RASL11A: variants seen among roughly 807,000 people sequenced by gnomAD.
RASL11A encodes the protein ras-like protein family member 11A.
RASL11A carries 14 observed loss-of-function variants against 17.1 expected under a neutral mutation model. That is an observed-to-expected ratio of 0.82 (90% CI 0.54 to 1.28). The LOEUF is 1.28. Among genes scored for constraint, RASL11A ranks in the 50% most tolerant of loss-of-function variants. RASL11A has a pLI of 0.00. For missense variants in RASL11A, 283 were observed against 312.3 expected (o/e 0.91, Z 0.71); for synonymous variants, 146 against 132.5 (o/e 1.10, Z -0.70).
intron 3 of RASL11A, 113 bp downstream of exon 3, chr13:27,271,831 G>C: frequency 2.5e-6 from 2 of 802,216 alleles, no homozygotes; most frequent in Non-Finnish European, 4.1e-6. Flanking sequence ...CATCTAAACC[G>C]ACCTGTGCGT....
chr13:27,273,575 A>G lies in RASL11A; in HGVS notation c.*81A>G, dbSNP rs1882373980. The G allele has an allele frequency of 2.9e-6, 3 of 1,025,172 alleles. No homozygotes were observed. Among genetic ancestry groups the G allele is most frequent in the Admixed American group, 5.5e-5 (2 of 36,302 alleles). 63.5% of individuals were successfully genotyped at this position (1,025,172 alleles called of 1,614,324 possible). The stretch of plus-strand genomic sequence containing the variant: ...TGGGCTTCTCGCTTTTTAATCACAC[A>G]TTCAGAGTTTATTTTTATAAAAAAA... On this transcript the variant is annotated 3_prime_UTR_variant, in exon 4 of 4. Transcript: ENST00000241463.
intron 3 of RASL11A, among the ~76,000 whole-genome samples, 189 bp downstream of exon 3, chr13:27,271,907 G>A (rs568983668): frequency 6.6e-6 from 1 of 152,298 alleles, no homozygotes; most frequent in African/African-American, 2.4e-5. Context: ...CTCTCTAAGG[G>A]GGAGGCATGG....
rs371620480 is a variant in RASL11A at position 27,270,933 on chromosome 13, G to C, written c.-12G>C. 6 of 1,583,682 alleles carry C rather than the reference G, an allele frequency of 3.8e-6. No individual in the cohort carries two copies. The South Asian group carries it at 6.9e-5, about 18-fold the overall frequency. ...CCTCTCGGATTGCGCGCCGGACCCC[G>C]GGACGCGCTCCATGCGGCCGCTCAG... On this transcript the variant is annotated 5_prime_UTR_variant, in exon 1 of 4. Coordinates refer to ENST00000241463, the MANE Select transcript of RASL11A (RefSeq NM_206827.2).
In RASL11A at chr13:27,275,060, C is replaced by T. The variant is rs1338724586; in HGVS notation, c.*1566C>T. Among the ~76,000 whole-genome samples, 2 of 152,186 alleles carry T rather than the reference C, an allele frequency of 1.3e-5. No individual in the cohort carries two copies. The highest frequency in any genetic ancestry group is 3.8e-4 in the East Asian group (2 of 5,196). On this transcript the variant is annotated 3_prime_UTR_variant, in exon 4 of 4. Coordinates refer to ENST00000241463, the MANE Select transcript of RASL11A (RefSeq NM_206827.2). The stretch of plus-strand genomic sequence containing the variant: ...ACAGCTCTGTCCAGACCTGTGATGT[C>T]AGCACCACTTTTCCCTGTAGTTGAA...
At position 27,273,902 on chromosome 13, in the gene RASL11A, T is replaced by C. The variant is rs1157172851; in HGVS notation, c.*408T>C. 1.3e-5 allele frequency among the ~76,000 whole-genome samples: 2 copies of C among 151,850 alleles called. No homozygotes were observed. The highest frequency in any genetic ancestry group is 4.8e-5 in the African/African-American group (2 of 41,308). On this transcript the variant is annotated 3_prime_UTR_variant, in exon 4 of 4. Transcript: ENST00000241463. ...AGGAGTTCATGTAGAGGGAGTCTGT[T>C]GTGGGAGAAAGGAAAGTATGTGGAG...
intron 3 of RASL11A, among the ~76,000 whole-genome samples, chr13:27,272,646 T>C (rs1882330962): frequency 6.6e-6 from 1 of 152,136 alleles, no homozygotes; most frequent in Non-Finnish European, 1.5e-5. Flanking sequence ...AAAATGTTTT[T>C]ATGAGTTTGG....
In RASL11A at chr13:27,273,782, C is replaced by A. The variant is rs1882387960; in HGVS notation, c.*288C>A. 3.6e-6 allele frequency: 1 copy of A among 278,202 alleles called. No individual in the cohort carries two copies. Among genetic ancestry groups the A allele is most frequent in the Non-Finnish European group, 6.2e-6 (1 of 161,076 alleles). 17.2% of individuals were successfully genotyped at this position (278,202 alleles called of 1,614,324 possible). A position where few individuals can be genotyped will look rare whatever the true frequency, so the allele number is the denominator to read the frequency against. On this transcript the variant is annotated 3_prime_UTR_variant, in exon 4 of 4. Coordinates refer to ENST00000241463, the MANE Select transcript of RASL11A (RefSeq NM_206827.2). The stretch of plus-strand genomic sequence containing the variant: ...ATGGCAACATTGCTCATTGTTTTCT[C>A]AATGTCTTTTTATAGAAATTGTACT...
rs1354065978 is a variant in RASL11A, at chr13:27,273,975, G to A, written c.*481G>A. Among the ~76,000 whole-genome samples the A allele has an allele frequency of 6.6e-6, 1 of 151,948 alleles. No homozygotes were observed. The highest frequency in any genetic ancestry group is 6.5e-5 in the Admixed American group (1 of 15,268). On this transcript the variant is annotated 3_prime_UTR_variant, in exon 4 of 4. Transcript: ENST00000241463. ...GCAGGAGGTCTTTAAATGGGACACT[G>A]CCACCAGTCATGAAATTGACACTGT...
rs1238759617 is a variant in RASL11A at position 27,271,707 on chromosome 13, G to A, written c.250G>A (p.Gly84Arg). ...CTCCCTGCAGATCCAGGATACTCCC[G>A]GGGGCGTCCAGGTAAGAACCGCCAG... ...QLSLQIQDTP[G>R]GVQIQDSLPQ... Residue 84 changes from glycine (G) to arginine (R), a missense_variant, in exon 3 of 4, where the codon GGG becomes AGG. Transcript: ENST00000241463. 8.7e-6 allele frequency: 14 copies of A among 1,608,600 alleles called. No homozygotes were observed. The highest frequency in any genetic ancestry group is 8.5e-6 in the Non-Finnish European group (10 of 1,178,062).
chr13:27,270,949 G>T lies in RASL11A; in HGVS notation c.5G>T (p.Arg2Leu). The change falls in exon 1 of 4, where the codon CGG becomes CTG. Residue 2 changes from arginine to leucine, a missense_variant. Coordinates refer to ENST00000241463, the MANE Select transcript of RASL11A (RefSeq NM_206827.2). ...CCGGACCCCGGGACGCGCTCCATGC[G>T]GCCGCTCAGCATGTCCGGGCACTTT... is the stretch of plus-strand genomic sequence containing the variant. M[R>L]PLSMSGHFLL... 1 of 1,592,356 alleles carries T rather than the reference G, an allele frequency of 6.3e-7. No individual in the cohort carries two copies. Among genetic ancestry groups the T allele is most frequent in the Non-Finnish European group, 8.5e-7 (1 of 1,170,256 alleles).
rs866994045 is a variant in RASL11A at position 27,270,948 on chromosome 13, C to A, written c.4C>A (p.Arg2=). Residue 2 remains arginine (R), a synonymous_variant, in exon 1 of 4, where the codon CGG becomes AGG. Coordinates refer to ENST00000241463, the MANE Select transcript of RASL11A (RefSeq NM_206827.2). Reference sequence around the variant, plus strand: ...GCCGGACCCCGGGACGCGCTCCATGCGGCCGCTCAGCATGTCCGGGCACTT... The same window carrying A: ...GCCGGACCCCGGGACGCGCTCCATGAGGCCGCTCAGCATGTCCGGGCACTT... The part of the protein sequence containing the change: M[R]PLSMSGHFLL... The A allele has an allele frequency of 6.3e-6, 10 of 1,591,420 alleles. No homozygotes were observed. The highest frequency in any genetic ancestry group is 8.5e-6 in the Non-Finnish European group (10 of 1,169,754).
At chr13:27,271,313 T>C in intron 1 of RASL11A, 171 bp from the exon 2 acceptor site, 2 of 1,466,300 alleles carry the variant, frequency 1.4e-6, no homozygotes, top group Non-Finnish European at 1.8e-6. Flanking sequence ...GGGAGAGGTG[T>C]CCCGCCAGTC....
chr13:27,273,319 T>C lies in RASL11A; in HGVS notation c.554T>C (p.Val185Ala), dbSNP rs1364034141. 2.5e-6 allele frequency: 4 copies of C among 1,614,048 alleles called. No homozygotes were observed. The East Asian group carries it at 6.7e-5, about 27-fold the overall frequency. ...TCCACTAGCGAAAACTACGAAGATGTCTGTGATGTGTTTCAGCATCTCTGC... is the reference window on the plus strand; with the variant it reads ...TCCACTAGCGAAAACTACGAAGATGCCTGTGATGTGTTTCAGCATCTCTGC... ...EISTSENYED[V>A]CDVFQHLCKE... The change falls in exon 4 of 4, where the codon GTC (valine) becomes GCC (alanine). Residue 185 changes from valine (V) to alanine (A), a missense_variant. Physicochemically the swap from Val to Ala is moderately conservative, Grantham distance 64. Coordinates refer to ENST00000241463, the MANE Select transcript of RASL11A (RefSeq NM_206827.2).
chr13:27,271,157 G>A, intron 1 of RASL11A, 89 bp downstream of exon 1: 1 of 1,487,006 alleles, frequency 6.7e-7, no homozygotes, highest in African/African-American at 1.4e-5. Context: ...CGCCTCGGCC[G>A]AAGCAGAGGG....
Position 27,271,068 on chromosome 13 carries a change from G to T in RASL11A, c.124G>T (p.Ala42Ser). 1.3e-6 allele frequency: 2 copies of T among 1,569,318 alleles called. No homozygotes were observed. Among genetic ancestry groups the T allele is most frequent in the South Asian group, 1.2e-5 (1 of 85,684 alleles). The change falls in exon 1 of 4, where the codon GCA (alanine) becomes TCA (serine). Residue 42 changes from alanine (A) to serine (S), a missense_variant and splice_region_variant. Physicochemically the swap from Ala to Ser is moderately conservative, Grantham distance 99. Coordinates refer to ENST00000241463, the MANE Select transcript of RASL11A (RefSeq NM_206827.2). The part of the protein sequence containing the change: ...VLGAGRVGKS[A>S]MIVRFLTKRF... ...GGGCGCCGGCCGCGTGGGCAAGAGC[G>T]GTGAGTGCGGCGGGGACCCCCGGGC... is the stretch of plus-strand genomic sequence containing the variant.
In RASL11A at chr13:27,273,921, T is replaced by C. The variant is rs997904024; in HGVS notation, c.*427T>C. The stretch of plus-strand genomic sequence containing the variant: ...GTCTGTTGTGGGAGAAAGGAAAGTA[T>C]GTGGAGGAGGAGAGGGATTTTAATA... On this transcript the variant is annotated 3_prime_UTR_variant, in exon 4 of 4. Transcript: ENST00000241463. Among the ~76,000 whole-genome samples, 3 of 151,906 alleles carry C rather than the reference T, an allele frequency of 2.0e-5. No homozygotes were observed. The highest frequency in any genetic ancestry group is 2.9e-5 in the Non-Finnish European group (2 of 67,970).
intron 1 of RASL11A, 24 bp downstream of exon 1, chr13:27,271,092 G>C: frequency 6.5e-7 from 1 of 1,547,510 alleles, no homozygotes; most frequent in East Asian, 2.5e-5. Context: ...GGACCCCCGG[G>C]CGGCTTCGCT....
At chr13:27,271,176 C>A (rs1280833246) in intron 1 of RASL11A, 108 bp downstream of exon 1, 2 of 1,471,556 alleles carry the variant, frequency 1.4e-6, no homozygotes, top group African/African-American at 2.9e-5. Context: ...GGCGCGGGTG[C>A]AGGTAGAATC....
chr13:27,271,642 A>G lies in RASL11A; in HGVS notation c.185A>G (p.Lys62Arg). The change falls in exon 3 of 4, where the codon AAG (lysine) becomes AGG (arginine). Residue 62 changes from lysine to arginine, a missense_variant. By Grantham distance (26) the Lys-to-Arg change is conservative. Coordinates refer to ENST00000241463, the MANE Select transcript of RASL11A (RefSeq NM_206827.2). ...FIGDYEPNTG[K>R]LYSRLVYVEG... Reference sequence around the variant, plus strand: ...CAAACTCTACTTCATTCTCCAGGCAAGCTGTATTCACGGCTGGTCTATGTC... The same window carrying G: ...CAAACTCTACTTCATTCTCCAGGCAGGCTGTATTCACGGCTGGTCTATGTC... The G allele has an allele frequency of 6.2e-7, 1 of 1,614,150 alleles. No individual in the cohort carries two copies. Among genetic ancestry groups the G allele is most frequent in the Non-Finnish European group, 8.5e-7 (1 of 1,180,008 alleles).
Sources: allele counts gnomAD v4.1 joint callset (sites outside exome capture counted in the v4.1 genomes callset), GRCh38; gene constraint gnomAD v4.1.1; transcripts MANE v1.5; gene names NCBI Gene and HGNC (gene_info 2026-07-23, HGNC 2026-07-21).